The following ATP10B variants were observed in gnomAD, a reference collection of about 807,000 sequenced individuals.
ATP10B encodes phospholipid-transporting ATPase VB.
ATP10B carries 122 observed loss-of-function variants against 141.2 expected under a neutral mutation model. The observed-to-expected ratio is 0.86, with a 90% confidence interval of 0.75 to 1.00. The LOEUF (loss-of-function observed/expected upper bound fraction) is 1.00, where lower values mean the gene tolerates loss of function less well. ATP10B is among the 50% of genes least tolerant of loss of function. The pLI, the probability that ATP10B is intolerant of heterozygous loss-of-function variation, is 0.00. For missense variants in ATP10B, 1,876 were observed against 1,825.3 expected (o/e 1.03, Z -0.51); for synonymous variants, 685 against 692.0 (o/e 0.99, Z 0.16).
At chr5:160,862,829 A>T in the ATP10B span, among the ~76,000 whole-genome samples, 2 of 151,982 alleles carry the variant, frequency 1.3e-5, no homozygotes, top group African/African-American at 4.8e-5. Context: ...TTTAATACAC[A>T]TATGCCACAT....
intron 16 of ATP10B, among the ~76,000 whole-genome samples, chr5:160,617,391 A>T (rs1758084392): frequency 6.6e-6 from 1 of 152,200 alleles, no homozygotes; most frequent in Non-Finnish European, 1.5e-5. Context: ...ACAGCTGAAC[A>T]TATCCCTCAT....
At chr5:160,811,027 G>T (rs571646144) in intron 1 of ATP10B, among the ~76,000 whole-genome samples, 38 of 152,288 alleles carry the variant, frequency 2.5e-4, no homozygotes, top group African/African-American at 8.7e-4. Context: ...GTCCCGCTTT[G>T]CAGGACCCAG....
intron 25 of ATP10B, 44 bp downstream of exon 25, chr5:160,569,452 A>G: frequency 6.2e-7 from 1 of 1,601,562 alleles, no homozygotes; most frequent in South Asian, 1.1e-5. Flanking sequence ...TATTAAAGGG[A>G]GATTGGTAAT....
the ATP10B span, among the ~76,000 whole-genome samples, chr5:160,869,969 T>A: frequency 6.6e-6 from 1 of 152,214 alleles, no homozygotes; most frequent in East Asian, 1.9e-4. Context: ...CATTTTGAAA[T>A]ATACCAGGCA....
intron 6 of ATP10B, among the ~76,000 whole-genome samples, chr5:160,673,351 G>A (rs1762831891): frequency 6.6e-6 from 1 of 152,072 alleles, no homozygotes; most frequent in Non-Finnish European, 1.5e-5. Context: ...GTACAGGCAT[G>A]CAATGTGTAA....
chr5:160,699,675 T>C (rs1482022842), intron 3 of ATP10B, among the ~76,000 whole-genome samples: 2 of 151,992 alleles, frequency 1.3e-5, no homozygotes, highest in Non-Finnish European at 2.9e-5. Context: ...GCCTTCAGAG[T>C]TTTCCTAGGG....
At chr5:160,649,810 C>G (rs1323794017) in intron 7 of ATP10B, among the ~76,000 whole-genome samples, 2 of 151,798 alleles carry the variant, frequency 1.3e-5, no homozygotes, top group Non-Finnish European at 2.9e-5. Flanking sequence ...GTAATATTTC[C>G]AGGGTTTTAA....
intron 13 of ATP10B, among the ~76,000 whole-genome samples, chr5:160,624,972 C>A (rs146995139): frequency 6.9e-4 from 105 of 152,318 alleles, no homozygotes; most frequent in African/African-American, 2.5e-3. Context: ...GAACTCCAAA[C>A]CTATTTCTCA....
At chr5:160,796,673 A>AG (rs1771969098) in intron 1 of ATP10B, among the ~76,000 whole-genome samples, 1 of 152,128 alleles carries the variant, frequency 6.6e-6, no homozygotes, top group Admixed American at 6.6e-5. Context: ...TGCAGAGAAA[A>AG]GTTTCCTTTT....
chr5:160,813,243 G>T (rs13179062), intron 1 of ATP10B, among the ~76,000 whole-genome samples: 2 of 152,150 alleles, frequency 1.3e-5, no homozygotes, highest in African/African-American at 4.8e-5. Context: ...GTCAAAGAAA[G>T]GGGTGACAGA....
rs1760098531 is a variant in ATP10B, at chr5:160,644,178, G to C, written c.828C>G (p.Ile276Met). The C allele has an allele frequency of 1.2e-6, 2 of 1,613,866 alleles. No homozygotes were observed. The highest frequency in any genetic ancestry group is 2.2e-5 in the South Asian group (2 of 91,070). Residue 276 changes from isoleucine (I) to methionine (M), a missense_variant, in exon 9 of 26, where the codon ATC becomes ATG. Physicochemically the swap from Ile to Met is conservative, Grantham distance 10. Coordinates refer to ENST00000327245, the MANE Select transcript of ATP10B (RefSeq NM_025153.3). ...CESLLLRGCTIRNTEMAVGIV... is the reference protein window; with the variant it reads ...CESLLLRGCTMRNTEMAVGIV... ...TGCCAACAGCCATCTCGGTGTTTCTGATGGTGCAGCCTCGAAGCAGAAGAC... is the reference window on the plus strand; with the variant it reads ...TGCCAACAGCCATCTCGGTGTTTCTCATGGTGCAGCCTCGAAGCAGAAGAC...
chr5:160,746,981 GTTGTGCA>G (rs1767848998), intron 2 of ATP10B, among the ~76,000 whole-genome samples: 1 of 152,166 alleles, frequency 6.6e-6, no homozygotes. Context: ...GTCTTAGTTT[GTTGTGCA>G]CCATATTTGG....
intron 3 of ATP10B, among the ~76,000 whole-genome samples, chr5:160,698,590 A>C (rs1764506484): frequency 6.6e-6 from 1 of 152,184 alleles, no homozygotes; most frequent in Non-Finnish European, 1.5e-5. Flanking sequence ...TTGGTATTGT[A>C]AAGGGAGCCC....
At chr5:160,665,946 T>C (rs557229731) in intron 7 of ATP10B, among the ~76,000 whole-genome samples, 5 of 152,308 alleles carry the variant, frequency 3.3e-5, no homozygotes, top group African/African-American at 1.2e-4. Flanking sequence ...AAACAAACCA[T>C]ATTTGTAGGT....
chr5:160,688,228 T>A, intron 4 of ATP10B, 134 bp from the exon 5 acceptor site: 1 of 868,628 alleles, frequency 1.2e-6, no homozygotes, highest in Non-Finnish European at 1.7e-6. Context: ...TCCTTGTAAC[T>A]AAAGGTCACT....
At position 160,606,785 on chromosome 5, in the gene ATP10B, C is replaced by T. The variant is rs757231042; in HGVS notation, c.3140G>A (p.Arg1047His). 53 of 1,613,628 alleles carry T rather than the reference C, an allele frequency of 3.3e-5. No individual in the cohort carries two copies. Among genetic ancestry groups the T allele is most frequent in the African/African-American group, 1.1e-4 (8 of 74,902 alleles). ...MIVKLVRDKL[R>H]VMTLSIGDGA... ...GGTACCTATGGAAAGGGTCATGACG[C>T]GCAACTTGTCTCGCACCAGCTTGAC... is the stretch of plus-strand genomic sequence containing the variant. The change falls in exon 19 of 26, where the codon CGC (arginine) becomes CAC (histidine). Residue 1047 changes from arginine (R) to histidine (H), a missense_variant. Arg to His is a conservative substitution (Grantham distance 29, BLOSUM62 0). Coordinates refer to ENST00000327245, the MANE Select transcript of ATP10B (RefSeq NM_025153.3).
chr5:160,711,711 C>G (rs1350768494), intron 3 of ATP10B, among the ~76,000 whole-genome samples: 1 of 59,052 alleles, frequency 1.7e-5, no homozygotes, highest in Non-Finnish European at 3.6e-5. Context: ...GGGAATGTTT[C>G]CAGTTTTTGC....
the ATP10B span, among the ~76,000 whole-genome samples, chr5:160,871,436 G>A: frequency 2.1e-3 from 325 of 152,172 alleles, 1 homozygote; most frequent in African/African-American, 7.3e-3. Context: ...CTTTAGTGGT[G>A]ATGTGTGAGA....
chr5:160,884,374 CATGTATAAAG>C, the ATP10B span, among the ~76,000 whole-genome samples: 3 of 152,120 alleles, frequency 2.0e-5, no homozygotes, highest in Admixed American at 6.5e-5. Context: ...AGGGGACTGA[CATGTATAAAG>C]ATGTATAAAG....
Sources: allele counts gnomAD v4.1 joint callset (sites outside exome capture counted in the v4.1 genomes callset), GRCh38; gene constraint gnomAD v4.1.1; transcripts MANE v1.5; gene names NCBI Gene and HGNC (gene_info 2026-07-23, HGNC 2026-07-21).